Variants in GHR observed in about 807,000 individuals in gnomAD.
GHR encodes the protein growth hormone receptor.
GHR carries 35 observed loss-of-function variants against 67.1 expected under a neutral mutation model. The observed-to-expected ratio is 0.52, with a 90% confidence interval of 0.40 to 0.69. The LOEUF (loss-of-function observed/expected upper bound fraction) is 0.69. Ranked by LOEUF, GHR falls within the 30% of genes least tolerant of loss-of-function variation. GHR has a pLI of 0.00. For missense variants in GHR, 792 were observed against 764.6 expected (o/e 1.04, Z -0.42); for synonymous variants, 272 against 269.1 (o/e 1.01, Z -0.10).
intron 2 of GHR, among the ~76,000 whole-genome samples, chr5:42,579,663 A>G (rs775333054): frequency 3.3e-5 from 5 of 152,198 alleles, no homozygotes; most frequent in Non-Finnish European, 7.4e-5. Flanking sequence ...TGACAGCCCT[A>G]AGAATTAAAG....
At chr5:42,523,862 C>T (rs943810578) in intron 1 of GHR, among the ~76,000 whole-genome samples, 1 of 152,104 alleles carries the variant, frequency 6.6e-6, no homozygotes, top group Non-Finnish European at 1.5e-5. Flanking sequence ...GTGAGTAAGT[C>T]TCACTAGATC....
chr5:42,599,605 C>T (rs1752260941), intron 2 of GHR, among the ~76,000 whole-genome samples: 1 of 151,982 alleles, frequency 6.6e-6, no homozygotes, highest in African/African-American at 2.4e-5. Flanking sequence ...GTGATCCACC[C>T]CCCCGCCTCT....
intron 3 of GHR, among the ~76,000 whole-genome samples, chr5:42,641,809 G>A (rs1754490170): frequency 6.6e-6 from 1 of 152,168 alleles, no homozygotes; most frequent in Admixed American, 6.5e-5. Flanking sequence ...GCCTCACTGT[G>A]AGAAGCTGAC....
chr5:42,577,649 T>C (rs1312685786), intron 2 of GHR, among the ~76,000 whole-genome samples: 3 of 152,210 alleles, frequency 2.0e-5, no homozygotes, highest in Non-Finnish European at 2.9e-5. Context: ...CTTTAGCTGT[T>C]CTCCTAGGAA....
At chr5:42,492,161 A>C (rs1316849683) in intron 1 of GHR, among the ~76,000 whole-genome samples, 2 of 152,174 alleles carry the variant, frequency 1.3e-5, no homozygotes, top group African/African-American at 4.8e-5. Context: ...TATTGCCACC[A>C]TGAAGCCTAT....
At chr5:42,425,020 T>C in intron 1 of GHR, 3 of 985,116 alleles carry the variant, frequency 3.0e-6, no homozygotes, top group Non-Finnish European at 3.6e-6. Context: ...CCAGGAGACC[T>C]TGGAAGGGAC....
chr5:42,446,291 T>A (rs1743802069), intron 1 of GHR, among the ~76,000 whole-genome samples: 1 of 152,152 alleles, frequency 6.6e-6, no homozygotes, highest in Non-Finnish European at 1.5e-5. Flanking sequence ...CTGAGCTGAT[T>A]CTTAAAAGTT....
intron 3 of GHR, among the ~76,000 whole-genome samples, chr5:42,688,252 A>T (rs1363069802): frequency 1.3e-5 from 2 of 152,220 alleles, no homozygotes; most frequent in Non-Finnish European, 2.9e-5. Context: ...TCCATTTGCC[A>T]CTATGCACCC....
intron 3 of GHR, among the ~76,000 whole-genome samples, chr5:42,665,453 G>A (rs956646525): frequency 5.9e-5 from 9 of 151,918 alleles, no homozygotes; most frequent in African/African-American, 2.2e-4. Context: ...GTAGGGACAT[G>A]GATGAAATTG....
chr5:42,492,646 G>A (rs1746163914), intron 1 of GHR, among the ~76,000 whole-genome samples: 1 of 152,122 alleles, frequency 6.6e-6, no homozygotes, highest in African/African-American at 2.4e-5. Flanking sequence ...CATTAGCAAA[G>A]GTTGATTATA....
At chr5:42,638,982 G>C (rs1425102795) in intron 3 of GHR, among the ~76,000 whole-genome samples, 1 of 152,116 alleles carries the variant, frequency 6.6e-6, no homozygotes, top group Non-Finnish European at 1.5e-5. Context: ...AAACATCATT[G>C]TGTGGCTCAC....
chr5:42,664,441 A>C (rs1441460784), intron 3 of GHR, among the ~76,000 whole-genome samples: 1 of 152,224 alleles, frequency 6.6e-6, no homozygotes, highest in East Asian at 1.9e-4. Context: ...ATAACACTGC[A>C]TGTCTACAAC....
intron 1 of GHR, among the ~76,000 whole-genome samples, chr5:42,457,617 T>C (rs11742495): frequency 0.17 from 26,410 of 152,192 alleles, 2,541 homozygotes; most frequent in Middle Eastern, 0.27. Flanking sequence ...CCAGACCTTG[T>C]TAACTGTTTT....
intron 3 of GHR, among the ~76,000 whole-genome samples, chr5:42,648,848 C>G (rs149142565): frequency 6.6e-6 from 1 of 152,032 alleles, no homozygotes; most frequent in Non-Finnish European, 1.5e-5. Flanking sequence ...TTTCTGACTG[C>G]GCTTATTTTA....
rs139486788 is a variant in GHR, at chr5:42,589,868, G to A, written c.70+23924G>A. On this transcript the variant is annotated intron_variant, in intron 2 of 9. Coordinates refer to ENST00000230882, the MANE Select transcript of GHR (RefSeq NM_000163.5). Reference sequence around the variant, plus strand: ...ACATGGAAAGAGCCAGTGAAATAAAGACCATTAAGTTCAGGTAGACAGAGA... The same window carrying A: ...ACATGGAAAGAGCCAGTGAAATAAAAACCATTAAGTTCAGGTAGACAGAGA... Among the ~76,000 whole-genome samples the A allele has an allele frequency of 2.0e-5, 3 of 152,310 alleles. No individual in the cohort carries two copies. The East Asian group carries it at 5.8e-4, about 29-fold the overall frequency.
chr5:42,430,409 C>G (rs1327705523), intron 1 of GHR, among the ~76,000 whole-genome samples: 1 of 152,058 alleles, frequency 6.6e-6, no homozygotes, highest in African/African-American at 2.4e-5. Flanking sequence ...GAGACAATGT[C>G]AGTTTTTCAG....
rs778922665 is a variant in GHR at position 42,713,514 on chromosome 5, G to A, written c.870G>A (p.Gln290=). Residue 290 remains glutamine (Q), a synonymous_variant, in exon 8 of 10, where the codon CAG becomes CAA. Transcript: ENST00000230882. ...VMLFVFLFSK[Q]QRIKMLILPP... ...TATTTGTATTCTTATTTTCTAAACA[G>A]CAAAGGTAGGTGTGGAGTAGTATTC... The A allele has an allele frequency of 3.8e-6, 5 of 1,307,464 alleles. No individual in the cohort carries two copies. The highest frequency in any genetic ancestry group is 5.5e-6 in the Non-Finnish European group (5 of 906,666). The allele number at this position is 1,307,464 out of a possible 1,614,324, so 81.0% of individuals were successfully genotyped here.
At chr5:42,713,610 A>C in intron 8 of GHR, 91 bp downstream of exon 8, 1 of 755,308 alleles carries the variant, frequency 1.3e-6, no homozygotes, top group South Asian at 1.4e-5. Context: ...TTTCTTTGTC[A>C]AATTATGAGT....
At chr5:42,622,099 GA>G (rs1580073041) in intron 2 of GHR, among the ~76,000 whole-genome samples, 1 of 152,172 alleles carries the variant, frequency 6.6e-6, no homozygotes, top group East Asian at 1.9e-4. Flanking sequence ...TGACCAAAAA[GA>G]GGATTGCTGC....
Sources: allele counts gnomAD v4.1 joint callset (sites outside exome capture counted in the v4.1 genomes callset), GRCh38; gene constraint gnomAD v4.1.1; transcripts MANE v1.5; gene names NCBI Gene and HGNC (gene_info 2026-07-23, HGNC 2026-07-21).